The following LRMDA variants were observed in gnomAD, a reference collection of about 807,000 sequenced individuals.
The protein encoded by LRMDA is leucine-rich melanocyte differentiation-associated protein.
A neutral mutation model predicts 29.8 loss-of-function variants in LRMDA; 18 were observed. That is an observed-to-expected ratio of 0.60 (90% confidence interval 0.42 to 0.90). LRMDA has a LOEUF of 0.90. Ranked by LOEUF, LRMDA falls within the 40% of genes least tolerant of loss-of-function variation. The pLI is 0.00. For missense variants in LRMDA, 273 were observed against 273.9 expected, an observed-to-expected ratio of 1.00 and a Z score of 0.02; for synonymous variants, 125 against 109.4, an observed-to-expected ratio of 1.14 and a Z score of -0.89.
intron 5 of LRMDA, among the ~76,000 whole-genome samples, chr10:76,177,478 G>C (rs1850961443): frequency 6.6e-6 from 1 of 152,052 alleles, no homozygotes; most frequent in Admixed American, 6.6e-5. Flanking sequence ...TTTCAGTAAT[G>C]ATGACTGCAG....
chr10:75,617,513 T>C (rs1008927454), intron 2 of LRMDA, among the ~76,000 whole-genome samples: 4 of 152,182 alleles, frequency 2.6e-5, no homozygotes, highest in African/African-American at 9.7e-5. Context: ...ATTATGCTGC[T>C]CTCCTTCTCA....
intron 2 of LRMDA, among the ~76,000 whole-genome samples, chr10:75,563,405 A>G (rs1203409287): frequency 6.6e-6 from 1 of 151,844 alleles, no homozygotes; most frequent in Non-Finnish European, 1.5e-5. Flanking sequence ...ACTTCTCTGT[A>G]TTGGTTATGC....
intron 2 of LRMDA, among the ~76,000 whole-genome samples, chr10:75,830,373 C>T (rs1260320619): frequency 6.6e-6 from 1 of 152,176 alleles, no homozygotes. Context: ...TACATTAGTA[C>T]ACTGTATTAG....
At chr10:75,949,878 C>T (rs796374447) in intron 2 of LRMDA, among the ~76,000 whole-genome samples, 132 of 152,212 alleles carry the variant, frequency 8.7e-4, no homozygotes, top group African/African-American at 3.0e-3. Flanking sequence ...CAAGATGTTG[C>T]GAAGAGGGCA....
chr10:75,565,795 C>A (rs1164097921), intron 2 of LRMDA, among the ~76,000 whole-genome samples: 2 of 152,190 alleles, frequency 1.3e-5, no homozygotes, highest in Admixed American at 1.3e-4. Context: ...ACAGAGGAGG[C>A]TGGGCACAAT....
chr10:76,024,347 G>A (rs150539069), intron 2 of LRMDA, among the ~76,000 whole-genome samples: 177 of 152,320 alleles, frequency 1.2e-3, no homozygotes, highest in African/African-American at 4.2e-3. Context: ...TTAGGTGCTA[G>A]TACACAGGGC....
rs143459363 is a variant in LRMDA, at chr10:75,954,033, A to G, written c.132-81975A>G. ...TTGACATGCTCTTGCTGGCGTGACA[A>G]TGGAGGGGCTCACGAGAAGGATCGG... On this transcript the variant is annotated intron_variant, in intron 2 of 6. Transcript: ENST00000611255. 2.8e-3 allele frequency among the ~76,000 whole-genome samples: 421 copies of G among 152,298 alleles called. 4 individuals carry two copies. Among genetic ancestry groups the G allele is most frequent in the Non-Finnish European group, 4.5e-3 (303 of 68,008 alleles).
At chr10:75,470,908 G>A (rs1017156031) in intron 2 of LRMDA, among the ~76,000 whole-genome samples, 2 of 152,208 alleles carry the variant, frequency 1.3e-5, no homozygotes, top group African/African-American at 4.8e-5. Context: ...ATTCCAGATT[G>A]GGAAGTCTTT....
At chr10:75,808,911 C>G (rs1347521132) in intron 2 of LRMDA, among the ~76,000 whole-genome samples, 2 of 152,298 alleles carry the variant, frequency 1.3e-5, no homozygotes, top group African/African-American at 4.8e-5. Context: ...GGACTCAAGG[C>G]CATCCACAGT....
At chr10:75,928,184 G>C (rs376607785) in intron 2 of LRMDA, among the ~76,000 whole-genome samples, 3 of 152,072 alleles carry the variant, frequency 2.0e-5, no homozygotes, top group Non-Finnish European at 2.9e-5. Flanking sequence ...GAATTCACGC[G>C]GCAGGGAGCT....
intron 2 of LRMDA, among the ~76,000 whole-genome samples, chr10:75,810,102 G>A (rs1843931469): frequency 6.6e-6 from 1 of 152,182 alleles, no homozygotes; most frequent in Non-Finnish European, 1.5e-5. Flanking sequence ...AGCATGAGCA[G>A]AGTCTCTGGC....
At chr10:76,423,650 G>A (rs1435520655) in intron 6 of LRMDA, among the ~76,000 whole-genome samples, 3 of 152,240 alleles carry the variant, frequency 2.0e-5, no homozygotes, top group South Asian at 4.2e-4. Flanking sequence ...AAAGGGAATG[G>A]CACTGTTTCA....
intron 2 of LRMDA, among the ~76,000 whole-genome samples, chr10:75,867,221 G>C (rs1470490167): frequency 6.6e-6 from 1 of 151,982 alleles, no homozygotes; most frequent in East Asian, 1.9e-4. Context: ...GGAGTGCAGT[G>C]GTGCAATCTC....
At chr10:76,548,284 C>A (rs1436373543) in intron 6 of LRMDA, among the ~76,000 whole-genome samples, 1 of 152,072 alleles carries the variant, frequency 6.6e-6, no homozygotes, top group African/African-American at 2.4e-5. Context: ...TGAGAATCCT[C>A]CAATACAGTT....
intron 6 of LRMDA, among the ~76,000 whole-genome samples, chr10:76,438,313 GTTTTC>G (rs1842266067): frequency 6.6e-6 from 1 of 152,118 alleles, no homozygotes; most frequent in Non-Finnish European, 1.5e-5. Flanking sequence ...TCCGTTATTT[GTTTTC>G]TTTATAGCAG....
At chr10:75,755,292 T>C (rs1312708323) in intron 2 of LRMDA, among the ~76,000 whole-genome samples, 1 of 152,236 alleles carries the variant, frequency 6.6e-6, no homozygotes, top group Non-Finnish European at 1.5e-5. Context: ...GTAGTACAAA[T>C]GGGCTTCATT....
At chr10:75,731,112 A>G (rs926770341) in intron 2 of LRMDA, among the ~76,000 whole-genome samples, 7 of 152,234 alleles carry the variant, frequency 4.6e-5, no homozygotes, top group African/African-American at 1.7e-4. Context: ...ATACTGATGG[A>G]AATACAAATC....
chr10:76,382,410 A>G (rs960689811), intron 6 of LRMDA, among the ~76,000 whole-genome samples: 4 of 152,168 alleles, frequency 2.6e-5, no homozygotes, highest in Admixed American at 6.5e-5. Flanking sequence ...CTTGGTGGCC[A>G]TCGTATTGCA....
chr10:76,207,489 T>G (rs1851558069), intron 5 of LRMDA, among the ~76,000 whole-genome samples: 1 of 152,184 alleles, frequency 6.6e-6, no homozygotes, highest in Admixed American at 6.5e-5. Context: ...ATTACTGACT[T>G]AAGTATTTAT....
Sources: allele counts gnomAD v4.1 joint callset (sites outside exome capture counted in the v4.1 genomes callset), GRCh38; gene constraint gnomAD v4.1.1; transcripts MANE v1.5; gene names NCBI Gene and HGNC (gene_info 2026-07-23, HGNC 2026-07-21).